Variants in MALRD1 observed in about 807,000 individuals in gnomAD.
MALRD1 encodes the protein MAM and LDL receptor class A domain containing 1.
MALRD1 carries 247 observed loss-of-function variants against 242.1 expected under a neutral mutation model. That is an observed-to-expected ratio of 1.02 (90% CI 0.92 to 1.13). MALRD1 has a LOEUF of 1.13. Among genes scored for constraint, MALRD1 ranks in the 50% most tolerant of loss-of-function variants. The pLI, the probability that MALRD1 is intolerant of heterozygous loss-of-function variation, is 0.00. For synonymous variants in MALRD1, 995 were observed against 866.6 expected (o/e 1.15, Z -2.60); for missense variants, 2,989 against 2,533.1 (o/e 1.18, Z -3.86).
At chr10:19,142,615 G>A (rs969013785) in intron 10 of MALRD1, among the ~76,000 whole-genome samples, 2 of 152,104 alleles carry the variant, frequency 1.3e-5, no homozygotes, top group African/African-American at 4.8e-5. Context: ...CTCATACTGC[G>A]CTTAGAGATG....
At chr10:19,665,554 G>A (rs1841640466) in intron 36 of MALRD1, among the ~76,000 whole-genome samples, 1 of 151,888 alleles carries the variant, frequency 6.6e-6, no homozygotes, top group Non-Finnish European at 1.5e-5. Context: ...TTCCAAAGTG[G>A]CACATTTTAG....
chr10:19,326,057 G>C (rs754515600), intron 22 of MALRD1, among the ~76,000 whole-genome samples: 4 of 151,976 alleles, frequency 2.6e-5, no homozygotes, highest in Non-Finnish European at 5.9e-5. Flanking sequence ...TATAATGTGA[G>C]ACTTCGTTCT....
intron 32 of MALRD1, among the ~76,000 whole-genome samples, chr10:19,562,122 C>A (rs949129174): frequency 6.6e-6 from 1 of 152,028 alleles, no homozygotes; most frequent in African/African-American, 2.4e-5. Flanking sequence ...ATGGTGAAAC[C>A]CTGTCTCTAC....
chr10:19,088,577 A>T (rs1488386495), intron 4 of MALRD1, among the ~76,000 whole-genome samples: 14,919 of 43,830 alleles, frequency 0.34, 1,127 homozygotes, highest in Middle Eastern at 0.46. Context: ...TTTTTTATTT[A>T]TTTATTTATT....
chr10:19,107,598 A>T (rs1446091236), intron 5 of MALRD1, among the ~76,000 whole-genome samples: 5 of 145,944 alleles, frequency 3.4e-5, no homozygotes, highest in Non-Finnish European at 6.0e-5. Context: ...CATCCACTCT[A>T]TATATTTTGA....
chr10:19,104,250 G>C (rs982445906), intron 5 of MALRD1, among the ~76,000 whole-genome samples, 175 bp downstream of exon 5: 2 of 152,122 alleles, frequency 1.3e-5, no homozygotes, highest in Non-Finnish European at 2.9e-5. Context: ...AGTGAAGTTT[G>C]GCTGTTTTTC....
chr10:19,661,787 T>TA (rs1044316234), intron 36 of MALRD1, among the ~76,000 whole-genome samples: 7 of 151,678 alleles, frequency 4.6e-5, no homozygotes, highest in East Asian at 1.9e-4. Context: ...AGTATAATTT[T>TA]AAAAAAAAAG....
chr10:19,417,856 G>C (rs1833568881), intron 28 of MALRD1, among the ~76,000 whole-genome samples: 1 of 152,058 alleles, frequency 6.6e-6, no homozygotes, highest in African/African-American at 2.4e-5. Flanking sequence ...ATTACACTAT[G>C]TGTCACATCA....
At chr10:19,233,860 T>TG (rs201185806) in intron 18 of MALRD1, among the ~76,000 whole-genome samples, 2,164 of 152,036 alleles carry the variant, frequency 0.014, 43 homozygotes, top group African/African-American at 0.05. Flanking sequence ...TTTTTTTTAA[T>TG]GGGGGAGTGT....
At chr10:19,507,216 G>C (rs183289837) in intron 31 of MALRD1, among the ~76,000 whole-genome samples, 145 of 152,166 alleles carry the variant, frequency 9.5e-4, no homozygotes, top group Non-Finnish European at 1.3e-3. Flanking sequence ...CAGCAACGGG[G>C]ATTTCAGTTA....
intron 21 of MALRD1, among the ~76,000 whole-genome samples, chr10:19,295,115 G>A (rs962986060): frequency 3.3e-5 from 5 of 151,874 alleles, no homozygotes; most frequent in Non-Finnish European, 5.9e-5. Context: ...ATCAATCTTC[G>A]TTGAACAATG....
At chr10:19,593,537 C>G (rs1011986803) in intron 33 of MALRD1, among the ~76,000 whole-genome samples, 1 of 152,170 alleles carries the variant, frequency 6.6e-6, no homozygotes, top group Non-Finnish European at 1.5e-5. Flanking sequence ...CCTGTACTGG[C>G]CTCCATTGCT....
intron 38 of MALRD1, among the ~76,000 whole-genome samples, chr10:19,709,346 G>A (rs1339380966): frequency 2.0e-5 from 3 of 151,966 alleles, no homozygotes; most frequent in Non-Finnish European, 4.4e-5. Context: ...GAACCCAGGA[G>A]GCAAAGGTTG....
chr10:19,370,927 A>G (rs1344348834), intron 26 of MALRD1, among the ~76,000 whole-genome samples: 1 of 151,882 alleles, frequency 6.6e-6, no homozygotes, highest in African/African-American at 2.4e-5. Context: ...ATAATTTAAA[A>G]TTATAAAAGC....
At chr10:19,651,519 A>G (rs950703825) in intron 36 of MALRD1, among the ~76,000 whole-genome samples, 2 of 152,212 alleles carry the variant, frequency 1.3e-5, no homozygotes, top group Admixed American at 1.3e-4. Context: ...CGAAACCACA[A>G]TTATTCAGTT....
chr10:19,241,006 A>G (rs936330781), intron 18 of MALRD1, among the ~76,000 whole-genome samples: 3 of 151,990 alleles, frequency 2.0e-5, no homozygotes, highest in African/African-American at 7.2e-5. Context: ...TTCTTCAGGA[A>G]TATTGGCCTG....
chr10:19,444,661 TTC>T (rs1834862469), intron 28 of MALRD1, among the ~76,000 whole-genome samples: 2 of 152,216 alleles, frequency 1.3e-5, no homozygotes, highest in Admixed American at 1.3e-4. Context: ...CTTGTAGACT[TTC>T]TGTGGAAAGA....
intron 29 of MALRD1, among the ~76,000 whole-genome samples, chr10:19,459,630 A>G (rs1835833608): frequency 6.6e-6 from 1 of 152,052 alleles, no homozygotes; most frequent in Non-Finnish European, 1.5e-5. Context: ...AAAGCCATGG[A>G]TGAATCTAAT....
At chr10:19,579,597 T>C (rs550281833) in intron 33 of MALRD1, among the ~76,000 whole-genome samples, 4 of 152,204 alleles carry the variant, frequency 2.6e-5, no homozygotes, top group Non-Finnish European at 5.9e-5. Flanking sequence ...CTATATCAGC[T>C]AGCCAAGAAT....
Sources: gnomAD v4.1 joint callset for allele counts (sites outside exome capture counted in the v4.1 genomes callset) on GRCh38, gnomAD v4.1.1 for gene constraint, MANE v1.5 for transcripts, NCBI Gene and HGNC (gene_info 2026-07-23, HGNC 2026-07-21) for gene names.